Variants in RUFY3 observed in about 807,000 individuals in gnomAD.
The protein encoded by RUFY3 is RUN and FYVE domain containing 3, also known as protein RUFY3.
A neutral mutation model predicts 84.0 loss-of-function variants in RUFY3; 34 were observed. The ratio of observed to expected loss-of-function variants is 0.40; its 90% CI spans 0.31 to 0.54. The LOEUF is 0.54. Among genes scored for constraint, RUFY3 ranks in the 20% least tolerant of loss-of-function variants. RUFY3 has a pLI of 0.39. For missense variants in RUFY3, 507 were observed against 736.8 expected, an observed-to-expected ratio of 0.69 and a Z score of 3.61; for synonymous variants, 242 against 252.9, an observed-to-expected ratio of 0.96 and a Z score of 0.41.
upstream of RUFY3, chr4:70,704,261 G>A (rs1740002638): frequency 6.6e-6 from 1 of 152,250 alleles, no homozygotes; most frequent in Admixed American, 6.5e-5. Context: ...GTGGAAGGAA[G>A]ACACCCACCT....
Position 70,792,896 on chromosome 4 carries a change from ATTC to A in RUFY3, c.1338-884_1338-882del, listed in dbSNP as rs1351062029. 1.0e-5 allele frequency: 10 copies of A among 985,272 alleles called. No individual in the cohort carries two copies. In the African/African-American group the frequency reaches 1.6e-4, roughly 15 times the overall value. 61.0% of individuals were successfully genotyped at this position (985,272 alleles called of 1,614,324 possible). A position where few individuals can be genotyped will look rare whatever the true frequency, so the allele number is the denominator to read the frequency against. The stretch of plus-strand genomic sequence containing the variant: ...CCTATATAAACAAAGCTCCTACTGT[ATTC>A]TTCTCTTCATCAACCTTTTGTGGTG... On this transcript the variant is annotated intron_variant, in intron 12 of 17. Transcript: ENST00000381006.
rs374344133 is a variant in RUFY3, at chr4:70,740,388, C to T, written c.178+17637C>T. Among the ~76,000 whole-genome samples, 7 of 152,116 alleles carry T rather than the reference C, an allele frequency of 4.6e-5. No individual in the cohort carries two copies. The East Asian group carries it at 7.7e-4, about 17-fold the overall frequency. On this transcript the variant is annotated intron_variant, in intron 1 of 17. Coordinates refer to ENST00000381006, the MANE Select transcript of RUFY3 (RefSeq NM_001037442.4). ...GATGGGATATGCCCAAGGAAAAGTC[C>T]GAGATCCCTGGTATCCACCACGCAT...
At chr4:70,726,704 C>T (rs1266661143) in intron 1 of RUFY3, among the ~76,000 whole-genome samples, 1 of 152,216 alleles carries the variant, frequency 6.6e-6, no homozygotes, top group Non-Finnish European at 1.5e-5. Flanking sequence ...TCTACCCGCC[C>T]CACAGAAGCA....
In RUFY3 at chr4:70,762,574, G is replaced by C. The variant is rs1231411877; in HGVS notation, c.234G>C (p.Leu78=). 1 of 1,613,840 alleles carries C rather than the reference G, an allele frequency of 6.2e-7. No homozygotes were observed. Among genetic ancestry groups the C allele is most frequent in the Non-Finnish European group, 8.5e-7 (1 of 1,179,898 alleles). The change falls in exon 2 of 18, where the codon CTG becomes CTC. Residue 78 remains leucine, a synonymous_variant. Transcript: ENST00000381006. ...ERMNLMNMAK[L]SIKGLIESAL... is the part of the protein sequence containing the mutation. ...TGAACCTCATGAACATGGCCAAGCT[G>C]AGTATCAAGGGCTTGATTGAATCAG...
chr4:70,732,940 G>A (rs370849058), intron 1 of RUFY3, among the ~76,000 whole-genome samples: 1 of 151,786 alleles, frequency 6.6e-6, no homozygotes, highest in African/African-American at 2.4e-5. Flanking sequence ...AGTGGCGGGC[G>A]CCTGTAATCC....
intron 1 of RUFY3, among the ~76,000 whole-genome samples, chr4:70,751,553 C>T (rs1723136442): frequency 6.6e-6 from 1 of 152,176 alleles, no homozygotes; most frequent in Admixed American, 6.5e-5. Context: ...ATCTTCTCTG[C>T]AGAAATGTAT....
intron 17 of RUFY3, among the ~76,000 whole-genome samples, chr4:70,806,264 G>C (rs185140568): frequency 6.6e-6 from 1 of 152,204 alleles, no homozygotes. Context: ...ATATTCTAAA[G>C]ATAAGTGACT....
rs542607309 is a variant in RUFY3, at chr4:70,705,744, T to G, written c.358+450T>G. Among the ~76,000 whole-genome samples the G allele has an allele frequency of 3.3e-5, 5 of 152,244 alleles. No individual in the cohort carries two copies. The South Asian group carries it at 1.0e-3, about 32-fold the overall frequency. ...ACCCCGTGGCCCCTCTGACCCGCCT[T>G]TTTCGGGCTCCCGGCGCCGCGGCAG... On this transcript the variant is annotated intron_variant, in intron 1 of 11. Transcript: ENST00000417478.
At chr4:70,774,304 T>G (rs1727465391) in intron 6 of RUFY3, among the ~76,000 whole-genome samples, 1 of 151,886 alleles carries the variant, frequency 6.6e-6, no homozygotes, top group Admixed American at 6.6e-5. Context: ...CAGTTTAATT[T>G]TTCATGTAAT....
intron 17 of RUFY3, among the ~76,000 whole-genome samples, chr4:70,804,792 G>A (rs1015368615): frequency 1.3e-5 from 2 of 151,260 alleles, no homozygotes; most frequent in East Asian, 1.9e-4. Context: ...ATAGCCGGGC[G>A]TGGTGGCCTG....
At chr4:70,733,113 AGAGAGAGGGAGGGAGGGAGGGAGG>A (rs1560463645) in intron 1 of RUFY3, among the ~76,000 whole-genome samples, 100 of 85,148 alleles carry the variant, frequency 1.2e-3, no homozygotes, top group African/African-American at 4.3e-3. Flanking sequence ...AGAGAGAGAG[AGAGAGAGGGAGGGAGGGAGGGAGG>A]GAGAGAGAGA....
intron 1 of RUFY3, among the ~76,000 whole-genome samples, chr4:70,737,814 C>T (rs1209285141): frequency 4.0e-5 from 6 of 151,066 alleles, no homozygotes; most frequent in Non-Finnish European, 1.5e-5. Flanking sequence ...GCTGGGATTG[C>T]AGGCACACAC....
chr4:70,705,423 T>C, intron 1 of RUFY3: 1 of 582,602 alleles, frequency 1.7e-6, no homozygotes, highest in Non-Finnish European at 2.6e-6. Context: ...AGGCGGGGGC[T>C]TTAGGGGCTA....
At chr4:70,780,805 G>T (rs186342547) in intron 8 of RUFY3, among the ~76,000 whole-genome samples, 195 of 152,210 alleles carry the variant, frequency 1.3e-3, no homozygotes, top group Middle Eastern at 6.8e-3. Flanking sequence ...CATAAGACTT[G>T]TCTTCCTTAG....
chr4:70,717,580 C>CGTGTGT (rs927113823), upstream of RUFY3, among the ~76,000 whole-genome samples: 2 of 150,814 alleles, frequency 1.3e-5, no homozygotes, highest in Non-Finnish European at 3.0e-5. Flanking sequence ...AGAGACTTTG[C>CGTGTGT]GTGTGTGTGT....
At chr4:70,756,567 G>A (rs920586406) in intron 1 of RUFY3, among the ~76,000 whole-genome samples, 2 of 151,892 alleles carry the variant, frequency 1.3e-5, no homozygotes, top group African/African-American at 2.4e-5. Context: ...CTTTACCTAA[G>A]CTATTCCTTC....
In RUFY3 at chr4:70,771,656, A is replaced by T. The variant is rs112441011; in HGVS notation, c.697-1855A>T. ...AATTGATCCTTCCACTTCAGCCTTCAGAGTAGCTGGGACTATAGGAACATG... is the reference window on the plus strand; with the variant it reads ...AATTGATCCTTCCACTTCAGCCTTCTGAGTAGCTGGGACTATAGGAACATG... On this transcript the variant is annotated intron_variant, in intron 5 of 17. Transcript: ENST00000381006. 5.7e-3 allele frequency among the ~76,000 whole-genome samples: 867 copies of T among 152,256 alleles called. 14 individuals are homozygous for T. The highest frequency in any genetic ancestry group is 0.02 in the African/African-American group (841 of 41,560).
intron 1 of RUFY3, among the ~76,000 whole-genome samples, chr4:70,730,687 C>T (rs1385642066): frequency 2.0e-5 from 3 of 151,892 alleles, no homozygotes; most frequent in Non-Finnish European, 4.4e-5. Context: ...TGCAGTGAGC[C>T]GAGATTGCAC....
At chr4:70,778,620 C>T (rs1343086129) in intron 8 of RUFY3, among the ~76,000 whole-genome samples, 182 bp downstream of exon 8, 2 of 119,158 alleles carry the variant, frequency 1.7e-5, no homozygotes, top group Non-Finnish European at 3.3e-5. Context: ...GCTTTTGTTG[C>T]CCAGGCTGGA....
Sources: allele counts gnomAD v4.1 joint callset (sites outside exome capture counted in the v4.1 genomes callset), GRCh38; gene constraint gnomAD v4.1.1; transcripts MANE v1.5; gene names NCBI Gene and HGNC (gene_info 2026-07-23, HGNC 2026-07-21).